CDH18: variants seen among roughly 807,000 people sequenced by gnomAD.
CDH18 encodes the protein cadherin-18.
In CDH18, 31 loss-of-function variants were observed where a neutral mutation model predicts 67.9. The ratio of observed to expected loss-of-function variants is 0.46; its 90% CI spans 0.34 to 0.62. The LOEUF is 0.62. Ranked by LOEUF, CDH18 falls within the 20% of genes least tolerant of loss-of-function variation. CDH18 has a pLI of 0.01. For synonymous variants in CDH18, 362 were observed against 347.2 expected (o/e 1.04, Z -0.48); for missense variants, 890 against 975.5 (o/e 0.91, Z 1.17).
At chr5:20,002,835 T>G (rs1736561454) in intron 2 of CDH18, among the ~76,000 whole-genome samples, 1 of 152,094 alleles carries the variant, frequency 6.6e-6, no homozygotes, top group Non-Finnish European at 1.5e-5. Flanking sequence ...TTTTTCTCTA[T>G]TTCAGAGTTC....
At chr5:19,629,882 T>C (rs550542379) in intron 5 of CDH18, among the ~76,000 whole-genome samples, 3 of 152,070 alleles carry the variant, frequency 2.0e-5, no homozygotes, top group Non-Finnish European at 4.4e-5. Context: ...AGAAAAAAAT[T>C]TGTAGAAGAA....
intron 1 of CDH18, among the ~76,000 whole-genome samples, chr5:20,556,557 C>T (rs1032963412): frequency 2.6e-5 from 4 of 152,162 alleles, no homozygotes; most frequent in Admixed American, 6.6e-5. Flanking sequence ...CTCCTGCGTG[C>T]TCCAGCAGCA....
At chr5:20,288,889 A>T (rs56729088) in intron 1 of CDH18, among the ~76,000 whole-genome samples, 6,063 of 152,078 alleles carry the variant, frequency 0.04, 147 homozygotes, top group East Asian at 0.072. Context: ...ATTTCAAAAA[A>T]TAATTCTTCA....
At chr5:20,049,542 T>C (rs1175473154) in intron 2 of CDH18, among the ~76,000 whole-genome samples, 1 of 151,670 alleles carries the variant, frequency 6.6e-6, no homozygotes, top group African/African-American at 2.4e-5. Flanking sequence ...CACTACAATA[T>C]AGCAAGTTTT....
chr5:20,375,801 A>C (rs1324228282), intron 1 of CDH18, among the ~76,000 whole-genome samples: 1 of 151,952 alleles, frequency 6.6e-6, no homozygotes, highest in East Asian at 1.9e-4. Flanking sequence ...TAGGAGACAC[A>C]CTCCAAGAGA....
intron 1 of CDH18, among the ~76,000 whole-genome samples, chr5:20,476,347 G>GAAAA (rs397720907): frequency 8.2e-5 from 12 of 145,966 alleles, no homozygotes; most frequent in Middle Eastern, 7.1e-3. Flanking sequence ...CATTACATTT[G>GAAAA]AAAAAAAAAA....
intron 1 of CDH18, among the ~76,000 whole-genome samples, chr5:20,319,029 G>A (rs1280321007): frequency 6.6e-6 from 1 of 152,032 alleles, no homozygotes; most frequent in Non-Finnish European, 1.5e-5. Context: ...AGGACCCCAC[G>A]GTCTGGACCC....
At chr5:19,553,885 C>T (rs1260235729) in intron 8 of CDH18, among the ~76,000 whole-genome samples, 4 of 151,900 alleles carry the variant, frequency 2.6e-5, no homozygotes, top group Non-Finnish European at 5.9e-5. Flanking sequence ...CCTCTCGCCT[C>T]GACCTTCCAA....
At chr5:20,404,923 T>C (rs969080568) in intron 1 of CDH18, among the ~76,000 whole-genome samples, 1 of 152,160 alleles carries the variant, frequency 6.6e-6, no homozygotes, top group Non-Finnish European at 1.5e-5. Context: ...GAAGTCCTGC[T>C]GCACACGGAA....
intron 2 of CDH18, among the ~76,000 whole-genome samples, chr5:20,223,220 G>A (rs561326496): frequency 1.1e-4 from 17 of 152,228 alleles, no homozygotes; most frequent in Admixed American, 8.5e-4. Flanking sequence ...GCATGACCTG[G>A]ATGTGAGAAA....
At chr5:19,498,624 C>A (rs1181437066) in intron 11 of CDH18, among the ~76,000 whole-genome samples, 3 of 152,064 alleles carry the variant, frequency 2.0e-5, no homozygotes, top group African/African-American at 7.2e-5. Context: ...TTTAAAGAAA[C>A]AAAAACTGAG....
chr5:19,683,726 T>A (rs1220058740), intron 5 of CDH18, among the ~76,000 whole-genome samples: 2 of 152,148 alleles, frequency 1.3e-5, no homozygotes, highest in Non-Finnish European at 2.9e-5. Context: ...TTGATGATCC[T>A]CAACTTTGCA....
At chr5:20,326,040 T>C (rs1402531591) in intron 1 of CDH18, among the ~76,000 whole-genome samples, 1 of 152,202 alleles carries the variant, frequency 6.6e-6, no homozygotes, top group African/African-American at 2.4e-5. Context: ...CTCAGGCACA[T>C]TTCTGAGACC....
chr5:20,307,587 C>T (rs1736585548), intron 1 of CDH18, among the ~76,000 whole-genome samples: 1 of 152,074 alleles, frequency 6.6e-6, no homozygotes, highest in African/African-American at 2.4e-5. Flanking sequence ...GGACTGCTTC[C>T]ATTGTGTTTC....
chr5:20,157,876 G>A (rs916827033), intron 2 of CDH18, among the ~76,000 whole-genome samples: 3 of 151,944 alleles, frequency 2.0e-5, no homozygotes, highest in Non-Finnish European at 4.4e-5. Context: ...TCCTGACCTT[G>A]TGATCTGCCC....
chr5:20,198,599 C>A (rs917713438), intron 2 of CDH18, among the ~76,000 whole-genome samples: 2 of 152,048 alleles, frequency 1.3e-5, no homozygotes, highest in Non-Finnish European at 2.9e-5. Flanking sequence ...AAAAAGAAAC[C>A]CATTTTTTTA....
At chr5:19,738,269 C>A (rs1768626949) in intron 4 of CDH18, among the ~76,000 whole-genome samples, 2 of 152,036 alleles carry the variant, frequency 1.3e-5, no homozygotes, top group African/African-American at 4.8e-5. Flanking sequence ...AAATAATAAG[C>A]CAAGGTTGCT....
intron 5 of CDH18, among the ~76,000 whole-genome samples, chr5:19,696,529 C>G (rs1439571224): frequency 4.0e-5 from 6 of 150,546 alleles, no homozygotes; most frequent in Admixed American, 3.3e-4. Context: ...GAGCGAGACT[C>G]CATCTTAAAA....
At chr5:20,137,218 C>G (rs966510307) in intron 2 of CDH18, among the ~76,000 whole-genome samples, 1 of 152,130 alleles carries the variant, frequency 6.6e-6, no homozygotes, top group East Asian at 1.9e-4. Flanking sequence ...TTCAGGTACA[C>G]CAGTCCGATG....
Sources: gnomAD v4.1 joint callset for allele counts (sites outside exome capture counted in the v4.1 genomes callset) on GRCh38, gnomAD v4.1.1 for gene constraint, MANE v1.5 for transcripts, NCBI Gene and HGNC (gene_info 2026-07-23, HGNC 2026-07-21) for gene names.